Variants in SMC5 observed in about 807,000 individuals in gnomAD.
SMC5 encodes structural maintenance of chromosomes 5, also known as structural maintenance of chromosomes protein 5.
A neutral mutation model predicts 148.3 loss-of-function variants in SMC5; 88 were observed. The ratio of observed to expected loss-of-function variants is 0.59; its 90% CI spans 0.50 to 0.71. The LOEUF (loss-of-function observed/expected upper bound fraction) is 0.71, where lower values mean the gene tolerates loss of function less well. Ranked by LOEUF, SMC5 falls within the 30% of genes least tolerant of loss-of-function variation. The pLI is 0.00. For synonymous variants in SMC5, 421 were observed against 432.8 expected (o/e 0.97, Z 0.34); for missense variants, 1,142 against 1,298.9 (o/e 0.88, Z 1.86).
chr9:70,324,251 T>C (rs2036021236), intron 17 of SMC5, 108 bp downstream of exon 17: 1 of 1,158,058 alleles, frequency 8.6e-7, no homozygotes, highest in Non-Finnish European at 1.2e-6. Flanking sequence ...TTTATGCTAT[T>C]TAACTTACAA....
At chr9:70,323,403 A>C (rs2035996625) in intron 15 of SMC5, 80 bp from the exon 16 acceptor site, 1 of 1,397,510 alleles carries the variant, frequency 7.2e-7, no homozygotes, top group South Asian at 1.5e-5. Flanking sequence ...TATATCCCAG[A>C]AAACTGGGGG....
chr9:70,273,501 T>G (rs187963277), intron 3 of SMC5, among the ~76,000 whole-genome samples: 81 of 152,166 alleles, frequency 5.3e-4, no homozygotes, highest in Non-Finnish European at 2.6e-4. Context: ...TCTATTTCAT[T>G]AATTTCTATT....
chr9:70,263,765 A>G (rs1164408561), intron 1 of SMC5, among the ~76,000 whole-genome samples: 4 of 152,214 alleles, frequency 2.6e-5, no homozygotes, highest in Non-Finnish European at 4.4e-5. Context: ...GACTATAGGC[A>G]CATACCATGG....
chr9:70,284,148 T>C (rs917522770), intron 7 of SMC5, among the ~76,000 whole-genome samples: 1 of 152,226 alleles, frequency 6.6e-6, no homozygotes, highest in African/African-American at 2.4e-5. Context: ...GTTTTGACTT[T>C]GCTACTATCA....
At chr9:70,291,972 T>G (rs1180132) in intron 8 of SMC5, among the ~76,000 whole-genome samples, 32,743 of 151,942 alleles carry the variant, frequency 0.22, 3,664 homozygotes, top group South Asian at 0.28. Context: ...AATGGAACAA[T>G]GGGTTTAGGA....
At chr9:70,302,685 T>C (rs2035391924) in intron 10 of SMC5, among the ~76,000 whole-genome samples, 1 of 151,550 alleles carries the variant, frequency 6.6e-6, no homozygotes, top group Non-Finnish European at 1.5e-5. Context: ...AATAAATAAA[T>C]AAACAAACAA....
intron 18 of SMC5, among the ~76,000 whole-genome samples, chr9:70,345,443 AC>A (rs2036642611): frequency 6.6e-6 from 1 of 152,080 alleles, no homozygotes; most frequent in South Asian, 2.1e-4. Context: ...AGATGGAGTG[AC>A]ATGGATGGGA....
At chr9:70,259,319 C>CG (rs2034024837) in intron 1 of SMC5, 56 bp downstream of exon 1, 1 of 1,482,514 alleles carries the variant, frequency 6.7e-7, no homozygotes, top group South Asian at 1.3e-5. Flanking sequence ...CAGCAGGCCC[C>CG]GGGGCTCCGG....
At chr9:70,346,768 C>T in intron 19 of SMC5, 119 bp downstream of exon 19, 2 of 1,016,762 alleles carry the variant, frequency 2.0e-6, no homozygotes, top group Non-Finnish European at 3.0e-6. Context: ...CTTAACTCTC[C>T]TGTAGCATGA....
At position 70,347,178 on chromosome 9, in the gene SMC5, A is replaced by G. The variant is rs1015690178; in HGVS notation, c.2664+17A>G. 7.5e-6 allele frequency: 12 copies of G among 1,607,046 alleles called. 1 individual carries two copies. The highest frequency in any genetic ancestry group is 3.3e-5 in the Admixed American group (2 of 59,880). On this transcript the variant is annotated intron_variant, in intron 20 of 24. Coordinates refer to ENST00000361138, the MANE Select transcript of SMC5 (RefSeq NM_015110.4). Reference sequence around the variant, plus strand: ...AATCCTACAGTATGCCTGTTTCTCTATTCCCATTCTGCATCCAACCACCAC... The same window carrying G: ...AATCCTACAGTATGCCTGTTTCTCTGTTCCCATTCTGCATCCAACCACCAC...
rs555737117 is a variant in SMC5 at position 70,259,158 on chromosome 9, A to C, written c.80A>C (p.Glu27Ala). 6.2e-7 allele frequency: 1 copy of C among 1,612,220 alleles called. No individual in the cohort carries two copies. Among genetic ancestry groups the C allele is most frequent in the East Asian group, 2.2e-5 (1 of 44,814 alleles). ...KRALPRDPSS[E>A]VPSKRKNSAP... ...GCTCTCCCGAGAGACCCTTCGTCGG[A>C]GGTCCCGAGCAAGAGGAAGAATTCG... Residue 27 changes from glutamate (E) to alanine (A), a missense_variant, in exon 1 of 25, where the codon GAG becomes GCG. This residue lies in a region of SMC5 where 297 missense variants were observed against 302.6 expected (regional missense o/e 0.98). Transcript: ENST00000361138.
At chr9:70,281,285 G>C (rs886626145) in intron 6 of SMC5, among the ~76,000 whole-genome samples, 2 of 151,932 alleles carry the variant, frequency 1.3e-5, no homozygotes, top group Non-Finnish European at 2.9e-5. Context: ...CAGGTGATCT[G>C]CCCCCCTCGG....
At chr9:70,297,135 G>A (rs1167823596) in intron 8 of SMC5, among the ~76,000 whole-genome samples, 1 of 152,174 alleles carries the variant, frequency 6.6e-6, no homozygotes, top group East Asian at 1.9e-4. Context: ...GAGGTATCTT[G>A]AGAATACAAC....
intron 16 of SMC5, 112 bp from the exon 17 acceptor site, chr9:70,323,909 A>T: frequency 9.5e-7 from 1 of 1,049,150 alleles, no homozygotes. Context: ...GTCAGGCACA[A>T]TAGGAAAATT....
rs754165218 is a variant in SMC5, at chr9:70,346,653, T to A, written c.2568+4T>A. Reference sequence around the variant, plus strand: ...ACACAACTCCTCACTCCCCATGGTATGCAGTACTCATTCTTTTTTCCCAAG... The same window carrying A: ...ACACAACTCCTCACTCCCCATGGTAAGCAGTACTCATTCTTTTTTCCCAAG... On this transcript the variant is annotated splice_donor_region_variant and intron_variant, in intron 19 of 24. Coordinates refer to ENST00000361138, the MANE Select transcript of SMC5 (RefSeq NM_015110.4). 46 of 1,613,992 alleles carry A rather than the reference T, an allele frequency of 2.9e-5. No homozygotes were observed. Among genetic ancestry groups the A allele is most frequent in the Non-Finnish European group, 3.5e-5 (41 of 1,179,880 alleles).
chr9:70,308,154 C>T (rs1201682742), intron 11 of SMC5, among the ~76,000 whole-genome samples: 1 of 152,066 alleles, frequency 6.6e-6, no homozygotes, highest in South Asian at 2.1e-4. Flanking sequence ...ATTCACACTA[C>T]TACTTACAAT....
At chr9:70,322,024 C>T (rs1003809186) in intron 15 of SMC5, among the ~76,000 whole-genome samples, 4 of 152,120 alleles carry the variant, frequency 2.6e-5, no homozygotes, top group East Asian at 1.9e-4. Context: ...GACTTAATAT[C>T]GTTTGTATTT....
intron 20 of SMC5, 111 bp from the exon 21 acceptor site, chr9:70,347,502 A>G: frequency 1.6e-6 from 1 of 608,222 alleles, no homozygotes; most frequent in Non-Finnish European, 2.8e-6. Context: ...TTGCATACAA[A>G]CAATGCAGCA....
Position 70,352,271 on chromosome 9 carries a change from A to G in SMC5, c.3246A>G (p.Thr1082=), listed in dbSNP as rs765341111. The G allele has an allele frequency of 2.3e-5, 37 of 1,613,858 alleles. No homozygotes were observed. Among genetic ancestry groups the G allele is most frequent in the Non-Finnish European group, 3.1e-5 (36 of 1,179,908 alleles). Residue 1082 remains threonine, a synonymous_variant, in exon 25 of 25, where the codon ACA becomes ACG. Coordinates refer to ENST00000361138, the MANE Select transcript of SMC5 (RefSeq NM_015110.4). Reference sequence around the variant, plus strand: ...GCCCTCATATGCTGGAACCAAACACATGGAATTTAAAGGCTTTCCAAAGGC... The same window carrying G: ...GCCCTCATATGCTGGAACCAAACACGTGGAATTTAAAGGCTTTCCAAAGGC... ...YNGPHMLEPN[T]WNLKAFQRRR...
Sources: allele counts gnomAD v4.1 joint callset (sites outside exome capture counted in the v4.1 genomes callset), GRCh38; gene constraint gnomAD v4.1.1; regional missense constraint gnomAD v4.1.1; transcripts MANE v1.5; gene names NCBI Gene and HGNC (gene_info 2026-07-23, HGNC 2026-07-21).